Variants in LRP1B observed in about 807,000 individuals in gnomAD.
The protein encoded by LRP1B is low-density lipoprotein receptor-related protein 1B.
A neutral mutation model predicts 556.6 loss-of-function variants in LRP1B; 217 were observed. The ratio of observed to expected loss-of-function variants is 0.39; its 90% CI spans 0.35 to 0.44. The LOEUF (loss-of-function observed/expected upper bound fraction) is 0.44, where lower values mean the gene tolerates loss of function less well. Ranked by LOEUF, LRP1B falls within the 20% of genes least tolerant of loss-of-function variation. The probability of loss-of-function intolerance (pLI) is 1.00; values close to 1 mark genes in which losing one functional copy is unlikely to be tolerated. For synonymous variants in LRP1B, 2,047 were observed against 1,865.8 expected (o/e 1.10, Z -2.50); for missense variants, 5,053 against 5,620.8 (o/e 0.90, Z 3.23).
chr2:142,023,469 C>T (rs905956222), intron 1 of LRP1B, among the ~76,000 whole-genome samples: 4 of 152,150 alleles, frequency 2.6e-5, no homozygotes, highest in Non-Finnish European at 5.9e-5. Flanking sequence ...CCAGTAAAGT[C>T]ATAAGGTTAC....
intron 2 of LRP1B, among the ~76,000 whole-genome samples, chr2:141,665,216 G>A (rs1010555843): frequency 2.3e-4 from 35 of 151,928 alleles, no homozygotes; most frequent in Non-Finnish European, 1.8e-4. Context: ...GAACCTACAA[G>A]GAATTTAAGC....
At chr2:140,303,501 C>A (rs1164963464) in intron 83 of LRP1B, among the ~76,000 whole-genome samples, 1 of 151,990 alleles carries the variant, frequency 6.6e-6, no homozygotes, top group Non-Finnish European at 1.5e-5. Flanking sequence ...CCTACCTCAG[C>A]CTCCCAAAGT....
At chr2:141,604,629 C>T (rs1687851904) in intron 2 of LRP1B, among the ~76,000 whole-genome samples, 1 of 152,146 alleles carries the variant, frequency 6.6e-6, no homozygotes. Flanking sequence ...GTGTTTTAAA[C>T]TGTCATGCCC....
chr2:140,278,933 T>C (rs1682802465), intron 84 of LRP1B, among the ~76,000 whole-genome samples: 1 of 151,962 alleles, frequency 6.6e-6, no homozygotes, highest in Non-Finnish European at 1.5e-5. Flanking sequence ...AAATCTTCTA[T>C]CTCCAGTTAT....
Position 141,326,812 on chromosome 2 carries a change from G to A in LRP1B, c.344-72171C>T, listed in dbSNP as rs565002227. On this transcript the variant is annotated intron_variant, in intron 3 of 90. Coordinates refer to ENST00000389484, the MANE Select transcript of LRP1B (RefSeq NM_018557.3). The stretch of plus-strand genomic sequence containing the variant: ...CTGTTTGTGCAAACCCAGAGAGTTG[G>A]AGCTTTATCTGGAAAGCCCTGATAA... Among the ~76,000 whole-genome samples the A allele has an allele frequency of 3.9e-5, 6 of 152,280 alleles. No homozygotes were observed. The East Asian group carries it at 7.7e-4, about 20-fold the overall frequency.
At chr2:140,574,963 T>C (rs1574095473) in intron 43 of LRP1B, among the ~76,000 whole-genome samples, 1 of 152,196 alleles carries the variant, frequency 6.6e-6, no homozygotes, top group Admixed American at 6.5e-5. Context: ...ATAAATAAAA[T>C]AGAAGCTTCT....
intron 86 of LRP1B, among the ~76,000 whole-genome samples, chr2:140,267,056 A>G (rs946105337): frequency 6.6e-6 from 1 of 152,036 alleles, no homozygotes; most frequent in Non-Finnish European, 1.5e-5. Context: ...GTTGTAATCT[A>G]TGAAAAGGGA....
At chr2:141,307,695 G>A (rs1686647235) in intron 3 of LRP1B, among the ~76,000 whole-genome samples, 1 of 152,140 alleles carries the variant, frequency 6.6e-6, no homozygotes, top group South Asian at 2.1e-4. Flanking sequence ...CACTCCTTGG[G>A]CCCCAGTGAT....
chr2:141,601,473 CT>C (rs1361115530), intron 2 of LRP1B, among the ~76,000 whole-genome samples: 6 of 152,144 alleles, frequency 3.9e-5, no homozygotes, highest in African/African-American at 1.4e-4. Context: ...AATCAGGTGA[CT>C]TTTAGACCAC....
At chr2:141,065,548 A>T (rs1574037575) in intron 7 of LRP1B, among the ~76,000 whole-genome samples, 1 of 152,006 alleles carries the variant, frequency 6.6e-6, no homozygotes, top group Admixed American at 6.6e-5. Flanking sequence ...CAAAGAGTAG[A>T]TAAGGGTTGT....
At chr2:140,371,060 A>G (rs1682972340) in intron 70 of LRP1B, 119 bp downstream of exon 70, 1 of 810,008 alleles carries the variant, frequency 1.2e-6, no homozygotes, top group South Asian at 2.0e-5. Context: ...TTCAATGTAC[A>G]TATCTAACAT....
At chr2:141,329,245 G>T (rs1687542169) in intron 3 of LRP1B, among the ~76,000 whole-genome samples, 2 of 151,640 alleles carry the variant, frequency 1.3e-5, no homozygotes, top group South Asian at 4.2e-4. Context: ...AAAATTAGCT[G>T]GGTATGGTGG....
intron 2 of LRP1B, among the ~76,000 whole-genome samples, chr2:141,519,359 T>TTATATATA (rs1559118033): frequency 4.5e-4 from 26 of 57,328 alleles, no homozygotes; most frequent in African/African-American, 1.8e-3. Context: ...CTTAAGTCAA[T>TTATATATA]GATATATATA....
intron 2 of LRP1B, chr2:141,805,555 T>C (rs1291840972): frequency 6.6e-6 from 1 of 152,154 alleles, no homozygotes; most frequent in African/African-American, 2.4e-5. Flanking sequence ...TGTGAGGTTA[T>C]GCTGTTCCAT....
intron 1 of LRP1B, among the ~76,000 whole-genome samples, chr2:141,828,211 A>G (rs1696999926): frequency 6.6e-6 from 1 of 152,138 alleles, no homozygotes; most frequent in Admixed American, 6.5e-5. Flanking sequence ...TTATGTTAAT[A>G]TTATTGTGTA....
intron 2 of LRP1B, among the ~76,000 whole-genome samples, chr2:141,714,449 CTT>C (rs11371831): frequency 7.8e-6 from 1 of 128,326 alleles, no homozygotes; most frequent in Non-Finnish European, 1.7e-5. Context: ...TCTGTAGGCT[CTT>C]TTTTTTTTTT....
chr2:140,315,142 A>G (rs2105037304), intron 82 of LRP1B, 43 bp from the exon 83 acceptor site: 2 of 1,339,616 alleles, frequency 1.5e-6, no homozygotes, highest in Non-Finnish European at 2.1e-6. Context: ...GTTTTCAGGG[A>G]GTAATTTAAT....
intron 77 of LRP1B, among the ~76,000 whole-genome samples, chr2:140,336,616 T>C (rs1314913439): frequency 3.9e-5 from 6 of 151,956 alleles, no homozygotes; most frequent in Non-Finnish European, 5.9e-5. Context: ...ATGATTAGTA[T>C]GGCTAGACAC....
At position 140,295,779 on chromosome 2, in the gene LRP1B, A is replaced by G. The variant is rs769832228; in HGVS notation, c.12967+2029T>C. On this transcript the variant is annotated intron_variant, in intron 84 of 90. Transcript: ENST00000389484. ...GAATTACAAGTGTCCTTGGGTGTAG[A>G]AAAATCTCAATAAATGTGACTGTGA... Among the ~76,000 whole-genome samples the G allele has an allele frequency of 2.2e-5, 3 of 135,168 alleles. No individual in the cohort carries two copies. The South Asian group carries it at 8.3e-4, about 37-fold the overall frequency. The allele number at this position is 135,168 out of a possible 152,430, so 88.7% of individuals were successfully genotyped here.
Sources: gnomAD v4.1 joint callset for allele counts (sites outside exome capture counted in the v4.1 genomes callset) on GRCh38, gnomAD v4.1.1 for gene constraint, MANE v1.5 for transcripts, NCBI Gene and HGNC (gene_info 2026-07-23, HGNC 2026-07-21) for gene names.